Variants in SLC25A21 observed in about 807,000 individuals in gnomAD.
SLC25A21 encodes the protein solute carrier family 25 member 21, also known as mitochondrial 2-oxodicarboxylate carrier.
SLC25A21 carries 47 observed loss-of-function variants against 43.8 expected under a neutral mutation model. That is an observed-to-expected ratio of 1.07 (90% CI 0.85 to 1.37). The LOEUF (loss-of-function observed/expected upper bound fraction) is 1.37. SLC25A21 is among the 40% of genes most tolerant of loss of function. SLC25A21 has a pLI of 0.00. For missense variants in SLC25A21, 352 were observed against 350.2 expected, an observed-to-expected ratio of 1.00 and a Z score of -0.04; for synonymous variants, 131 against 121.3, an observed-to-expected ratio of 1.08 and a Z score of -0.52.
chr14:36,820,368 G>A (rs1354991648), intron 2 of SLC25A21, among the ~76,000 whole-genome samples: 2 of 152,130 alleles, frequency 1.3e-5, no homozygotes, highest in African/African-American at 4.8e-5. Context: ...TTTTTGTCTA[G>A]GATAAAAATG....
chr14:36,975,356 C>G (rs1014839108), intron 1 of SLC25A21, among the ~76,000 whole-genome samples: 2 of 152,074 alleles, frequency 1.3e-5, no homozygotes, highest in Non-Finnish European at 2.9e-5. Flanking sequence ...ACCTCCTGTA[C>G]CCCAATAACT....
chr14:36,757,221 G>GC (rs1442462240), intron 3 of SLC25A21, among the ~76,000 whole-genome samples: 3 of 152,090 alleles, frequency 2.0e-5, no homozygotes, highest in African/African-American at 7.2e-5. Flanking sequence ...TTGCACCACT[G>GC]CTCTCCAGCC....
intron 2 of SLC25A21, among the ~76,000 whole-genome samples, chr14:36,820,003 A>C (rs1209021692): frequency 2.0e-5 from 3 of 152,186 alleles, no homozygotes; most frequent in Non-Finnish European, 4.4e-5. Context: ...TTTGCATAGC[A>C]CACGACTCTG....
At chr14:36,764,194 G>C (rs10134808) in intron 3 of SLC25A21, among the ~76,000 whole-genome samples, 1 of 92,184 alleles carries the variant, frequency 1.1e-5, no homozygotes. Context: ...GAAAGAAAGA[G>C]AAAGAAAGAA....
chr14:36,698,736 A>G (rs920130677), intron 7 of SLC25A21, among the ~76,000 whole-genome samples: 1 of 152,018 alleles, frequency 6.6e-6, no homozygotes, highest in Admixed American at 6.5e-5. Context: ...TGCATCATGA[A>G]GTTCTCGTGC....
At chr14:36,694,823 G>A (rs551597746) in intron 7 of SLC25A21, among the ~76,000 whole-genome samples, 1 of 152,130 alleles carries the variant, frequency 6.6e-6, no homozygotes, top group Non-Finnish European at 1.5e-5. Flanking sequence ...TTGTCGGATG[G>A]GTTGATTGCA....
At chr14:36,702,527 G>C (rs1323065234) in intron 7 of SLC25A21, among the ~76,000 whole-genome samples, 1 of 148,246 alleles carries the variant, frequency 6.7e-6, no homozygotes, top group Non-Finnish European at 1.5e-5. Flanking sequence ...AAAAGAAAAC[G>C]GACTTCCCTA....
chr14:36,823,223 T>TA (rs1379314785), intron 2 of SLC25A21, among the ~76,000 whole-genome samples: 1 of 152,166 alleles, frequency 6.6e-6, no homozygotes, highest in Non-Finnish European at 1.5e-5. Flanking sequence ...GATTACAACC[T>TA]AAATCTAATA....
chr14:37,019,682 A>C (rs1960942235), intron 1 of SLC25A21, among the ~76,000 whole-genome samples: 1 of 151,828 alleles, frequency 6.6e-6, no homozygotes, highest in South Asian at 2.1e-4. Flanking sequence ...GTGTAAGAGG[A>C]TGTCAAATCC....
chr14:36,929,345 C>A (rs564338833), intron 1 of SLC25A21, among the ~76,000 whole-genome samples: 3 of 152,278 alleles, frequency 2.0e-5, no homozygotes, highest in African/African-American at 7.2e-5. Flanking sequence ...CCCACCTTAA[C>A]TAGTTTTTAA....
chr14:36,698,978 G>C (rs1169724911), intron 7 of SLC25A21, among the ~76,000 whole-genome samples: 1 of 152,138 alleles, frequency 6.6e-6, no homozygotes, highest in Non-Finnish European at 1.5e-5. Context: ...AAGGAGCTGC[G>C]ATCTTTTGGA....
At chr14:37,146,712 G>T (rs1963671640) in intron 1 of SLC25A21, among the ~76,000 whole-genome samples, 1 of 152,046 alleles carries the variant, frequency 6.6e-6, no homozygotes, top group Admixed American at 6.6e-5. Flanking sequence ...GTTACTTACA[G>T]ATCAATAAAA....
At chr14:36,821,311 C>T (rs542646124) in intron 2 of SLC25A21, among the ~76,000 whole-genome samples, 34 of 146,834 alleles carry the variant, frequency 2.3e-4, no homozygotes, top group Middle Eastern at 3.4e-3. Flanking sequence ...AGAAAGAGCA[C>T]ATCAGATGGT....
At chr14:36,975,967 G>C (rs1272135065) in intron 1 of SLC25A21, among the ~76,000 whole-genome samples, 1 of 152,188 alleles carries the variant, frequency 6.6e-6, no homozygotes, top group Non-Finnish European at 1.5e-5. Flanking sequence ...TCAGGCAGTC[G>C]CTTGCCAGGC....
intron 1 of SLC25A21, among the ~76,000 whole-genome samples, chr14:36,963,862 C>A (rs1389259492): frequency 6.6e-6 from 1 of 152,126 alleles, no homozygotes; most frequent in East Asian, 1.9e-4. Flanking sequence ...GCTCAAAGTG[C>A]TCGGTAAAGA....
chr14:37,010,369 G>C (rs1233894824), intron 1 of SLC25A21, among the ~76,000 whole-genome samples: 1 of 152,166 alleles, frequency 6.6e-6, no homozygotes, highest in African/African-American at 2.4e-5. Context: ...TATTGCCATA[G>C]GTGAAATGAT....
intron 5 of SLC25A21, among the ~76,000 whole-genome samples, chr14:36,728,758 G>A (rs1440078283): frequency 6.6e-6 from 1 of 152,184 alleles, no homozygotes; most frequent in African/African-American, 2.4e-5. Context: ...TTTCCTAGAG[G>A]CTGGAGTACA....
At chr14:36,851,629 G>C (rs1021073443) in intron 2 of SLC25A21, among the ~76,000 whole-genome samples, 1 of 152,122 alleles carries the variant, frequency 6.6e-6, no homozygotes, top group African/African-American at 2.4e-5. Flanking sequence ...TTGACAATAA[G>C]CTACACAAAA....
At chr14:36,887,931 C>G (rs1312777338) in intron 1 of SLC25A21, among the ~76,000 whole-genome samples, 1 of 152,154 alleles carries the variant, frequency 6.6e-6, no homozygotes, top group Non-Finnish European at 1.5e-5. Flanking sequence ...CCCTGCCCAC[C>G]CCTCCAGAGA....
Sources: allele counts gnomAD v4.1 joint callset (sites outside exome capture counted in the v4.1 genomes callset), GRCh38; gene constraint gnomAD v4.1.1; transcripts MANE v1.5; gene names NCBI Gene and HGNC (gene_info 2026-07-23, HGNC 2026-07-21).